Variants in COL4A4 observed in about 807,000 individuals in gnomAD.
COL4A4 encodes collagen alpha-4(IV) chain.
A neutral mutation model predicts 192.9 loss-of-function variants in COL4A4; 105 were observed. The observed-to-expected ratio is 0.54, with a 90% confidence interval of 0.46 to 0.64. The LOEUF (loss-of-function observed/expected upper bound fraction) is 0.64. Ranked by LOEUF, COL4A4 falls within the 30% of genes least tolerant of loss-of-function variation. The pLI is 0.00. For missense variants in COL4A4, 1,967 were observed against 2,169.3 expected, an observed-to-expected ratio of 0.91 and a Z score of 1.85; for synonymous variants, 762 against 769.9, an observed-to-expected ratio of 0.99 and a Z score of 0.17.
At chr2:227,137,488 G>A (rs1303109836) in intron 4 of COL4A4, among the ~76,000 whole-genome samples, 3 of 152,216 alleles carry the variant, frequency 2.0e-5, no homozygotes, top group African/African-American at 7.2e-5. Context: ...TTGCTCTGAA[G>A]GGTGGAAATA....
At chr2:227,016,133 G>A (rs549553357) in intron 44 of COL4A4, among the ~76,000 whole-genome samples, 6 of 152,104 alleles carry the variant, frequency 3.9e-5, no homozygotes, top group African/African-American at 1.4e-4. Context: ...CTCACATGGA[G>A]GAAGAGGTCA....
At chr2:226,973,754 C>T in the COL4A4 span, among the ~76,000 whole-genome samples, 1 of 152,146 alleles carries the variant, frequency 6.6e-6, no homozygotes, top group Non-Finnish European at 1.5e-5. Context: ...ATGAGAAGAG[C>T]CTTGACCTGC....
intron 14 of COL4A4, 74 bp downstream of exon 14, chr2:227,103,042 TATTAGCACTTAAAGCAATGATAAAGACC>T: frequency 8.8e-7 from 1 of 1,140,504 alleles, no homozygotes; most frequent in Non-Finnish European, 1.3e-6. Context: ...TGGTAATATA[TATTAGCACTTAAAGCAATGATAAAGACC>T]ATGAGAAATA....
At chr2:227,070,182 CCAGTT>C (rs2058625637) in intron 25 of COL4A4, among the ~76,000 whole-genome samples, 1 of 152,088 alleles carries the variant, frequency 6.6e-6, no homozygotes, top group Non-Finnish European at 1.5e-5. Flanking sequence ...CCATCTCACA[CCAGTT>C]AGAATGGCAA....
At chr2:227,088,565 G>A (rs747272757) in intron 22 of COL4A4, 88 bp downstream of exon 22, 21 of 1,510,672 alleles carry the variant, frequency 1.4e-5, no homozygotes, top group Non-Finnish European at 1.7e-5. Flanking sequence ...AAATTACCTA[G>A]TCTTGGGTAG....
the COL4A4 span, among the ~76,000 whole-genome samples, chr2:226,967,538 C>A: frequency 7.8e-6 from 1 of 127,476 alleles, no homozygotes; most frequent in Non-Finnish European, 1.6e-5. Context: ...TCCCCCCTCC[C>A]TTATCCCACC....
At chr2:227,153,774 C>T (rs1202199693) in intron 1 of COL4A4, among the ~76,000 whole-genome samples, 1 of 152,146 alleles carries the variant, frequency 6.6e-6, no homozygotes, top group Non-Finnish European at 1.5e-5. Flanking sequence ...AGAAAATGGA[C>T]ACACTGAGTA....
the COL4A4 span, chr2:226,988,435 A>C: frequency 6.5e-7 from 1 of 1,550,340 alleles, no homozygotes; most frequent in Non-Finnish European, 8.7e-7. Flanking sequence ...AGCAGGCCGC[A>C]GTTTGGACCT....
chr2:227,160,633 T>C (rs1175244122), intron 1 of COL4A4, among the ~76,000 whole-genome samples: 4 of 152,188 alleles, frequency 2.6e-5, no homozygotes, highest in African/African-American at 9.7e-5. Flanking sequence ...GCCTCTGGAC[T>C]GGGGGGATTG....
chr2:227,091,783 C>A (rs1272750858), intron 20 of COL4A4, among the ~76,000 whole-genome samples: 3 of 151,950 alleles, frequency 2.0e-5, no homozygotes, highest in Non-Finnish European at 4.4e-5. Context: ...GTCATCCCAG[C>A]TACTCAGGAG....
chr2:227,151,403 C>G (rs914317400), intron 1 of COL4A4, among the ~76,000 whole-genome samples: 1 of 152,070 alleles, frequency 6.6e-6, no homozygotes, highest in Non-Finnish European at 1.5e-5. Context: ...ATGAATTGGG[C>G]CTTTTTATTT....
chr2:227,082,072 C>T, intron 23 of COL4A4, 43 bp downstream of exon 23: 1 of 1,508,644 alleles, frequency 6.6e-7, no homozygotes, highest in Non-Finnish European at 9.2e-7. Flanking sequence ...GTCCATACAT[C>T]ATTCATAAAA....
At chr2:227,106,682 C>T (rs2060863329) in intron 12 of COL4A4, among the ~76,000 whole-genome samples, 2 of 152,208 alleles carry the variant, frequency 1.3e-5, no homozygotes, top group South Asian at 4.1e-4. Context: ...TCTCCTGCCT[C>T]AGCCTCCCAA....
chr2:227,055,941 C>G lies in COL4A4; in HGVS notation c.2716+4G>C. The G allele has an allele frequency of 1.2e-6, 2 of 1,613,554 alleles. No individual in the cohort carries two copies. The highest frequency in any genetic ancestry group is 1.7e-6 in the Non-Finnish European group (2 of 1,179,734). On this transcript the variant is annotated splice_donor_region_variant and intron_variant, in intron 30 of 47. Coordinates refer to ENST00000396625, the MANE Select transcript of COL4A4 (RefSeq NM_000092.5). ...GAGGACATCATGGAAAAAGCACTAC[C>G]TACCCTTTGGACCTGGAGGACCAGG... is the stretch of plus-strand genomic sequence containing the variant.
At chr2:227,152,912 G>C (rs562171328) in intron 1 of COL4A4, among the ~76,000 whole-genome samples, 21 of 152,212 alleles carry the variant, frequency 1.4e-4, no homozygotes, top group African/African-American at 4.3e-4. Context: ...TATTTAGTCT[G>C]TTCTCACACT....
intron 12 of COL4A4, among the ~76,000 whole-genome samples, chr2:227,104,710 G>A (rs1438880376): frequency 7.2e-6 from 1 of 139,638 alleles, no homozygotes; most frequent in Non-Finnish European, 1.5e-5. Flanking sequence ...ACGCGATCTC[G>A]GCTCACAGCA....
downstream of COL4A4, among the ~76,000 whole-genome samples, chr2:227,001,137 C>T (rs1174557956): frequency 6.6e-6 from 1 of 151,666 alleles, no homozygotes; most frequent in African/African-American, 2.4e-5. Context: ...CTCTGTTGCC[C>T]AGGCTGGAGT....
At chr2:227,040,963 A>G (rs1408854642) in intron 37 of COL4A4, among the ~76,000 whole-genome samples, 1 of 152,088 alleles carries the variant, frequency 6.6e-6, no homozygotes, top group African/African-American at 2.4e-5. Context: ...ATTTTATATT[A>G]TATTGTATTG....
intron 41 of COL4A4, among the ~76,000 whole-genome samples, chr2:227,028,677 A>ATTC (rs1323164111): frequency 8.6e-6 from 1 of 115,628 alleles, no homozygotes; most frequent in Admixed American, 9.1e-5. Context: ...TATTATTATT[A>ATTC]TTATTATTTG....
Sources: gnomAD v4.1 joint callset for allele counts (sites outside exome capture counted in the v4.1 genomes callset) on GRCh38, gnomAD v4.1.1 for gene constraint, MANE v1.5 for transcripts, NCBI Gene and HGNC (gene_info 2026-07-23, HGNC 2026-07-21) for gene names.